The following CSMD1 variants were observed in gnomAD, a reference collection of about 807,000 sequenced individuals.
The protein encoded by CSMD1 is CUB and sushi domain-containing protein 1.
A neutral mutation model predicts 417.5 loss-of-function variants in CSMD1; 213 were observed. The ratio of observed to expected loss-of-function variants is 0.51; its 90% confidence interval spans 0.46 to 0.57. CSMD1 has a LOEUF of 0.57. Ranked by LOEUF, CSMD1 falls within the 20% of genes least tolerant of loss-of-function variation. The probability of loss-of-function intolerance (pLI) is 0.00; values close to 1 mark genes in which losing one functional copy is unlikely to be tolerated. For synonymous variants in CSMD1, 2,862 were observed against 1,736.8 expected (o/e 1.65, Z -16.11); for missense variants, 6,923 against 4,529.7 (o/e 1.53, Z -15.17).
chr8:4,195,742 T>C (rs915100921), intron 3 of CSMD1, among the ~76,000 whole-genome samples: 3 of 152,108 alleles, frequency 2.0e-5, no homozygotes, highest in African/African-American at 7.2e-5. Context: ...ACGTCGGGGC[T>C]CTCCGTGCTC....
At position 4,934,006 on chromosome 8, in the gene CSMD1, T is replaced by TA. The variant is rs199687643; in HGVS notation, c.85+60325_85+60326insT. Among the ~76,000 whole-genome samples, 934 of 100,058 alleles carry TA rather than the reference T, an allele frequency of 9.3e-3. 10 individuals are homozygous for TA. Among genetic ancestry groups the TA allele is most frequent in the African/African-American group, 0.028 (883 of 31,702 alleles). 65.6% of individuals were successfully genotyped at this position (100,058 alleles called of 152,430 possible). A position where few individuals can be genotyped will look rare whatever the true frequency, so the allele number is the denominator to read the frequency against. On this transcript the variant is annotated intron_variant, in intron 1 of 69. Transcript: ENST00000635120. ...AGTTACTTACGTTTATGCTTTTTTT[T>TA]TAAAAAAAAATGAAGGTTTTGATGA... is the stretch of plus-strand genomic sequence containing the variant.
chr8:4,624,331 G>C (rs185274030), intron 2 of CSMD1, among the ~76,000 whole-genome samples: 1 of 152,138 alleles, frequency 6.6e-6, no homozygotes, highest in East Asian at 1.9e-4. Context: ...TCGAGCTCTT[G>C]TCAAATCTCT....
chr8:4,564,862 T>C (rs1285855850), intron 2 of CSMD1, among the ~76,000 whole-genome samples: 1 of 152,252 alleles, frequency 6.6e-6, no homozygotes. Flanking sequence ...CTGCTTACTA[T>C]TTTTTCTGTG....
chr8:4,184,059 C>G (rs1273127083), intron 3 of CSMD1, among the ~76,000 whole-genome samples: 6 of 152,088 alleles, frequency 3.9e-5, no homozygotes, highest in Non-Finnish European at 8.8e-5. Context: ...TATTATCTAC[C>G]CTGCAATAAT....
rs545755104 is a variant in CSMD1, at chr8:4,727,275, C to T, written c.86-89717G>A. ...TCACATTAAACCAGTTAATGTCTACCGGTGAAGTCTGTAACAATAATTAAG... is the reference window on the plus strand; with the variant it reads ...TCACATTAAACCAGTTAATGTCTACTGGTGAAGTCTGTAACAATAATTAAG... On this transcript the variant is annotated intron_variant, in intron 1 of 69. Transcript: ENST00000635120. 6.6e-4 allele frequency among the ~76,000 whole-genome samples: 101 copies of T among 152,206 alleles called. 2 individuals are homozygous for T. Among genetic ancestry groups the T allele is most frequent in the South Asian group, 3.3e-3 (16 of 4,824 alleles).
At chr8:4,112,339 T>A (rs1317155831) in intron 3 of CSMD1, among the ~76,000 whole-genome samples, 2 of 152,188 alleles carry the variant, frequency 1.3e-5, no homozygotes, top group Non-Finnish European at 2.9e-5. Flanking sequence ...GACACAGGCC[T>A]GTGATGAGGC....
At chr8:3,344,060 T>A (rs13254900) in intron 22 of CSMD1, among the ~76,000 whole-genome samples, 77 of 152,174 alleles carry the variant, frequency 5.1e-4, no homozygotes, top group African/African-American at 1.7e-3. Context: ...TGTGGCATTA[T>A]CTTCCCAAGC....
At chr8:3,059,606 A>G (rs1812457429) in intron 49 of CSMD1, among the ~76,000 whole-genome samples, 1 of 152,114 alleles carries the variant, frequency 6.6e-6, no homozygotes, top group African/African-American at 2.4e-5. Flanking sequence ...GGGCAGTGAC[A>G]CCAACTCATT....
rs540612415 is a variant in CSMD1 at position 4,108,947 on chromosome 8, C to T, written c.416-76848G>A. ...AAATTCCATCGCCTTAGAAATTGTC[C>T]ATTTATGTATAATTTAGAAACTACA... is the stretch of plus-strand genomic sequence containing the variant. On this transcript the variant is annotated intron_variant, in intron 3 of 69. Coordinates refer to ENST00000635120, the MANE Select transcript of CSMD1 (RefSeq NM_033225.6). Among the ~76,000 whole-genome samples the T allele has an allele frequency of 5.3e-5, 8 of 152,212 alleles. No individual in the cohort carries two copies. The South Asian group carries it at 1.7e-3, about 32-fold the overall frequency.
intron 5 of CSMD1, among the ~76,000 whole-genome samples, chr8:3,839,862 G>T (rs894061778): frequency 1.3e-5 from 2 of 151,768 alleles, no homozygotes; most frequent in African/African-American, 4.8e-5. Flanking sequence ...TTCTACGGGC[G>T]GCAGTTTCTA....
intron 3 of CSMD1, among the ~76,000 whole-genome samples, chr8:4,065,359 G>C (rs1397186728): frequency 6.6e-6 from 1 of 152,176 alleles, no homozygotes; most frequent in Non-Finnish European, 1.5e-5. Context: ...CAAAGTCATG[G>C]ATAGTTAGTA....
chr8:4,475,616 T>C (rs1444993837), intron 2 of CSMD1, among the ~76,000 whole-genome samples: 1 of 152,080 alleles, frequency 6.6e-6, no homozygotes, highest in African/African-American at 2.4e-5. Context: ...TCTTTTTCTT[T>C]TTCTTTTTTC....
intron 3 of CSMD1, among the ~76,000 whole-genome samples, chr8:4,129,190 T>A (rs997925973): frequency 2.0e-5 from 3 of 152,060 alleles, no homozygotes; most frequent in Admixed American, 1.3e-4. Context: ...ACTTTCAACA[T>A]CTACACTTAA....
Position 3,819,288 on chromosome 8 carries a change from T to C in CSMD1, c.819-65246A>G, listed in dbSNP as rs376715062. Reference sequence around the variant, plus strand: ...CAGTTATAAGGAACTTCTCACCTCATGAATAAGTCACAGGAAGCTATGAAG... The same window carrying C: ...CAGTTATAAGGAACTTCTCACCTCACGAATAAGTCACAGGAAGCTATGAAG... On this transcript the variant is annotated intron_variant, in intron 5 of 69. Transcript: ENST00000635120. 1.2e-4 allele frequency among the ~76,000 whole-genome samples: 19 copies of C among 152,238 alleles called. 1 individual carries two copies. Among genetic ancestry groups the C allele is most frequent in the Admixed American group, 5.2e-4 (8 of 15,292 alleles).
intron 26 of CSMD1, among the ~76,000 whole-genome samples, chr8:3,250,477 G>T (rs1800180781): frequency 6.6e-6 from 1 of 152,158 alleles, no homozygotes; most frequent in Non-Finnish European, 1.5e-5. Context: ...ATTTGGGTTG[G>T]TTCCAAGTCT....
chr8:3,502,364 C>CAAAAA lies in CSMD1; in HGVS notation c.1345-8643_1345-8639dup, dbSNP rs371588108. Among the ~76,000 whole-genome samples the CAAAAA allele has an allele frequency of 1.1e-3, 120 of 109,132 alleles. 1 individual carries two copies. The highest frequency in any genetic ancestry group is 6.9e-4 in the African/African-American group (19 of 27,584). The allele number at this position is 109,132 out of a possible 152,430, so 71.6% of individuals were successfully genotyped here. ...TGGGGGACAGACCGAGACTTCATCTCAAAAAAAAAAAAAAAAAGAAGTATT... is the reference window on the plus strand; with the variant it reads ...TGGGGGACAGACCGAGACTTCATCTCAAAAAAAAAAAAAAAAAAAAAAGAAGTATT... On this transcript the variant is annotated intron_variant, in intron 10 of 69. Transcript: ENST00000635120.
At chr8:3,079,698 T>G (rs1813943886) in intron 49 of CSMD1, among the ~76,000 whole-genome samples, 1 of 152,118 alleles carries the variant, frequency 6.6e-6, no homozygotes, top group Non-Finnish European at 1.5e-5. Context: ...AAAGATGCCC[T>G]CTCTGTGGGC....
At chr8:4,096,856 G>A (rs979294580) in intron 3 of CSMD1, among the ~76,000 whole-genome samples, 29 of 152,252 alleles carry the variant, frequency 1.9e-4, no homozygotes, top group African/African-American at 6.3e-4. Flanking sequence ...CTCAGGTAAA[G>A]GATTCCTGCA....
chr8:4,671,292 G>T (rs1250551239), intron 1 of CSMD1, among the ~76,000 whole-genome samples: 2 of 152,096 alleles, frequency 1.3e-5, no homozygotes. Context: ...ATGGGCCCTA[G>T]GGAAACGCTA....
Sources: gnomAD v4.1 joint callset for allele counts (sites outside exome capture counted in the v4.1 genomes callset) on GRCh38, gnomAD v4.1.1 for gene constraint, MANE v1.5 for transcripts, NCBI Gene and HGNC (gene_info 2026-07-23, HGNC 2026-07-21) for gene names.